DMD: variants seen among roughly 807,000 people sequenced by gnomAD.
The protein encoded by DMD is dystrophin.
DMD carries 63 observed loss-of-function variants against 330.1 expected under a neutral mutation model. That is an observed-to-expected ratio of 0.19 (90% CI 0.16 to 0.24). The LOEUF (loss-of-function observed/expected upper bound fraction) is 0.24, where lower values mean the gene tolerates loss of function less well. Among genes scored for constraint, DMD ranks in the 10% least tolerant of loss-of-function variants. DMD has a pLI of 1.00. For missense variants in DMD, 3,344 were observed against 2,684.1 expected (o/e 1.25, Z -5.43); for synonymous variants, 1,223 against 959.8 (o/e 1.27, Z -5.07).
chrX:32,764,962 T>G (rs1170647860), intron 7 of DMD, among the ~76,000 whole-genome samples: 20 of 104,890 alleles, frequency 1.9e-4, no homozygotes, highest in Non-Finnish European at 3.1e-4. Flanking sequence ...TCTGGGTTTT[T>G]TTTTTTTTTT....
At chrX:33,312,968 G>GA (rs1235182708) in intron 1 of DMD, among the ~76,000 whole-genome samples, 1 of 111,138 alleles carries the variant, frequency 9.0e-6, no homozygotes, top group African/African-American at 3.3e-5. Context: ...ATAAAAATAT[G>GA]AAAAACATAG....
chrX:32,987,985 G>GTATATATA (rs753957415), intron 2 of DMD, among the ~76,000 whole-genome samples: 1 of 107,886 alleles, frequency 9.3e-6, no homozygotes, highest in African/African-American at 3.4e-5. Flanking sequence ...ATATATATGT[G>GTATATATA]TATATATATA....
chrX:32,574,899 A>ATTT (rs57772309), intron 13 of DMD, among the ~76,000 whole-genome samples: 2 of 98,442 alleles, frequency 2.0e-5, no homozygotes, highest in African/African-American at 7.4e-5. Flanking sequence ...TAATCCACCT[A>ATTT]TTTTTTTTTT....
intron 55 of DMD, among the ~76,000 whole-genome samples, chrX:31,542,675 C>A (rs1254203825): frequency 8.9e-6 from 1 of 112,060 alleles, no homozygotes; most frequent in African/African-American, 3.2e-5. Flanking sequence ...GGTGACCAGG[C>A]ATCATGCATT....
chrX:31,926,405 G>A (rs1414583356), intron 47 of DMD, among the ~76,000 whole-genome samples: 4 of 111,381 alleles, frequency 3.6e-5, no homozygotes, highest in African/African-American at 9.8e-5. Flanking sequence ...GGCCGGGCGC[G>A]GTGGCTCACA....
intron 12 of DMD, among the ~76,000 whole-genome samples, chrX:32,613,375 TTAAAA>T (rs760272608): frequency 1.8e-5 from 2 of 110,644 alleles, no homozygotes; most frequent in East Asian, 2.9e-4. Context: ...ATGGCACTTA[TTAAAA>T]TAAAGCACCC....
chrX:32,359,909 T>A (rs996396161), intron 37 of DMD, among the ~76,000 whole-genome samples: 1 of 110,887 alleles, frequency 9.0e-6, no homozygotes, highest in African/African-American at 3.3e-5. Context: ...AATACTTTAT[T>A]TTAAATAATA....
chrX:33,330,680 C>G (rs1056277047), intron 1 of DMD, among the ~76,000 whole-genome samples: 1 of 112,028 alleles, frequency 8.9e-6, no homozygotes, highest in Admixed American at 9.5e-5. Flanking sequence ...TTTAGACCAG[C>G]CTAGACATTT....
intron 1 of DMD, among the ~76,000 whole-genome samples, chrX:33,178,472 T>C (rs1173715967): frequency 3.6e-5 from 4 of 112,164 alleles, no homozygotes; most frequent in Admixed American, 2.8e-4. Flanking sequence ...GGATTTCTGA[T>C]ACACGCAGCC....
At chrX:31,918,582 C>G (rs2094641611) in intron 47 of DMD, among the ~76,000 whole-genome samples, 1 of 111,222 alleles carries the variant, frequency 9.0e-6, no homozygotes, top group Non-Finnish European at 1.9e-5. Flanking sequence ...ATACTGCATT[C>G]TAGTTTCAGC....
chrX:32,146,181 T>C (rs1862650542), intron 44 of DMD, among the ~76,000 whole-genome samples: 1 of 112,460 alleles, frequency 8.9e-6, no homozygotes, highest in Non-Finnish European at 1.9e-5. Flanking sequence ...ATTCACAATG[T>C]GGTCTTTTGT....
chrX:32,463,708 G>A, intron 24 of DMD, 114 bp from the exon 25 acceptor site: 1 of 696,770 alleles, frequency 1.4e-6, no homozygotes, highest in East Asian at 3.8e-5. Context: ...ATGGATTTTT[G>A]TCTTTTAAAA....
At chrX:32,604,691 A>G (rs2056529669) in intron 12 of DMD, among the ~76,000 whole-genome samples, 1 of 110,410 alleles carries the variant, frequency 9.1e-6, no homozygotes, top group African/African-American at 3.3e-5. Flanking sequence ...TATTTGATAA[A>G]TGACTTCAGT....
chrX:32,623,896 G>A (rs764118561), intron 11 of DMD, among the ~76,000 whole-genome samples: 3 of 112,014 alleles, frequency 2.7e-5, no homozygotes, highest in African/African-American at 3.2e-5. Context: ...AGCCAGTATA[G>A]AAATCACAAA....
At chrX:32,324,516 G>A (rs1299205477) in intron 41 of DMD, among the ~76,000 whole-genome samples, 1 of 111,691 alleles carries the variant, frequency 9.0e-6, no homozygotes, top group African/African-American at 3.2e-5. Flanking sequence ...ATCAAATGAA[G>A]TATAGTTCAA....
chrX:32,347,683 T>C (rs951347288), intron 38 of DMD, among the ~76,000 whole-genome samples: 1 of 110,999 alleles, frequency 9.0e-6, no homozygotes, highest in African/African-American at 3.3e-5. Flanking sequence ...AGGTTAAGAA[T>C]GCCACAGAGG....
chrX:32,826,900 A>G (rs757445368), intron 4 of DMD, among the ~76,000 whole-genome samples: 3 of 111,304 alleles, frequency 2.7e-5, no homozygotes, highest in East Asian at 5.6e-4. Context: ...ATTAGCTTGA[A>G]GCATTCCACA....
At chrX:31,291,074 A>G (rs1427072577) in intron 62 of DMD, among the ~76,000 whole-genome samples, 1 of 112,440 alleles carries the variant, frequency 8.9e-6, no homozygotes, top group African/African-American at 3.2e-5. Flanking sequence ...TGACAAATTC[A>G]TATTTAAGTG....
intron 44 of DMD, among the ~76,000 whole-genome samples, chrX:32,117,439 C>G (rs1012462731): frequency 8.9e-6 from 1 of 112,109 alleles, no homozygotes; most frequent in South Asian, 3.8e-4. Flanking sequence ...GCAGTGCCCC[C>G]TCTTAGAAGG....
Sources: allele counts gnomAD v4.1 joint callset (sites outside exome capture counted in the v4.1 genomes callset), GRCh38; gene constraint gnomAD v4.1.1; transcripts MANE v1.5; gene names NCBI Gene and HGNC (gene_info 2026-07-23, HGNC 2026-07-21).